XRCC2: variants seen among roughly 807,000 people sequenced by gnomAD.
XRCC2 encodes the protein DNA repair protein XRCC2.
In XRCC2, 24 loss-of-function variants were observed where a neutral mutation model predicts 27.3. The ratio of observed to expected loss-of-function variants is 0.88; its 90% CI spans 0.64 to 1.24. The LOEUF is 1.24. Among genes scored for constraint, XRCC2 ranks in the 50% most tolerant of loss-of-function variants. The pLI is 0.00. For missense variants in XRCC2, 321 were observed against 325.8 expected, an observed-to-expected ratio of 0.99 and a Z score of 0.11; for synonymous variants, 106 against 115.4, an observed-to-expected ratio of 0.92 and a Z score of 0.52.
chr7:152,672,110 A>G (rs2098038427), intron 1 of XRCC2, among the ~76,000 whole-genome samples: 1 of 152,116 alleles, frequency 6.6e-6, no homozygotes, highest in African/African-American at 2.4e-5. Context: ...TTCTCTAGTA[A>G]TATTCAGCTG....
In XRCC2 at chr7:152,648,957, A is replaced by G. The variant is rs765796648; in HGVS notation, c.528T>C (p.Cys176=). Residue 176 remains cysteine, a synonymous_variant, in exon 3 of 3, where the codon TGT becomes TGC. Transcript: ENST00000359321. ...TTACAAGCTTCTCTAAGCACTGAGA[A>G]CATTTCCTCAGAGTAGACTCCTGTA... ...VNLQESTLRK[C]SQCLEKLVND... 20 of 1,614,228 alleles carry G rather than the reference A, an allele frequency of 1.2e-5. No homozygotes were observed. Among genetic ancestry groups the G allele is most frequent in the Middle Eastern group, 3.3e-4 (2 of 6,062 alleles).
chr7:152,665,630 C>G (rs745723223), intron 1 of XRCC2, among the ~76,000 whole-genome samples: 6 of 151,648 alleles, frequency 4.0e-5, no homozygotes, highest in Non-Finnish European at 4.4e-5. Flanking sequence ...CAGGCTCGTG[C>G]CACTATGTCC....
At chr7:152,655,446 C>T (rs1284699949) in intron 2 of XRCC2, among the ~76,000 whole-genome samples, 2 of 152,214 alleles carry the variant, frequency 1.3e-5, no homozygotes, top group African/African-American at 2.4e-5. Context: ...TGGTGGTTCA[C>T]GCCCATAATC....
chr7:152,652,806 T>C (rs1248879973), intron 2 of XRCC2, among the ~76,000 whole-genome samples: 1 of 152,114 alleles, frequency 6.6e-6, no homozygotes, highest in Non-Finnish European at 1.5e-5. Context: ...TAAAAGCCAA[T>C]TGTGAAACTG....
chr7:152,653,968 G>T (rs933606483), intron 2 of XRCC2, among the ~76,000 whole-genome samples: 2 of 152,136 alleles, frequency 1.3e-5, no homozygotes, highest in African/African-American at 4.8e-5. Context: ...GGCTGAGGCA[G>T]GTGGATCACC....
chr7:152,665,190 A>T (rs1406176018), intron 1 of XRCC2, among the ~76,000 whole-genome samples: 3 of 152,158 alleles, frequency 2.0e-5, no homozygotes, highest in Non-Finnish European at 4.4e-5. Context: ...AGTGAACGTT[A>T]CTTCAAAAAC....
chr7:152,674,791 T>TATAA (rs2098040177), intron 1 of XRCC2, among the ~76,000 whole-genome samples: 2 of 11,254 alleles, frequency 1.8e-4, no homozygotes, highest in African/African-American at 2.7e-4. Context: ...AATATATATA[T>TATAA]ATCTATGGTT....
intron 2 of XRCC2, 84 bp downstream of exon 2, chr7:152,660,617 G>A (rs1163036198): frequency 1.8e-6 from 2 of 1,103,624 alleles, no homozygotes; most frequent in East Asian, 4.8e-5. Context: ...ACTCTTGTGA[G>A]GAGTATGTGT....
Position 152,646,961 on chromosome 7 carries a change from CTG to C in XRCC2, c.*1679_*1680del, listed in dbSNP as rs1186150322. 3 of 152,214 alleles carry C rather than the reference CTG, an allele frequency of 2.0e-5. No homozygotes were observed. The highest frequency in any genetic ancestry group is 2.0e-4 in the Admixed American group (3 of 15,270). The allele number at this position is 152,214 out of a possible 1,614,324, so 9.4% of individuals were successfully genotyped here. On this transcript the variant is annotated 3_prime_UTR_variant, in exon 3 of 3. Coordinates refer to ENST00000359321, the MANE Select transcript of XRCC2 (RefSeq NM_005431.2). ...GAGATTGCTGGGTTGAATGGTATCT[CTG>C]TCTTTATCCCCACACTGTCTTCCAC... is the stretch of plus-strand genomic sequence containing the variant.
chr7:152,657,645 T>C (rs2098031250), intron 2 of XRCC2, among the ~76,000 whole-genome samples: 1 of 152,196 alleles, frequency 6.6e-6, no homozygotes, highest in South Asian at 2.1e-4. Flanking sequence ...TAATATTAAA[T>C]GTGCTGATGA....
intron 2 of XRCC2, among the ~76,000 whole-genome samples, chr7:152,658,850 C>CA: frequency 6.6e-6 from 1 of 152,330 alleles, no homozygotes; most frequent in Middle Eastern, 3.4e-3. Context: ...CTTTTCCCCC[C>CA]AGGGATTCAT....
chr7:152,653,150 TAGTG>T (rs888054046), intron 2 of XRCC2, among the ~76,000 whole-genome samples: 12 of 152,260 alleles, frequency 7.9e-5, no homozygotes, highest in African/African-American at 2.2e-4. Flanking sequence ...GTTCTCGTGA[TAGTG>T]AGTAAGTCTC....
chr7:152,647,711 T>C lies in XRCC2; in HGVS notation c.*931A>G, dbSNP rs955294073. On this transcript the variant is annotated 3_prime_UTR_variant, in exon 3 of 3. Coordinates refer to ENST00000359321, the MANE Select transcript of XRCC2 (RefSeq NM_005431.2). ...CATCGAAGATCAAAAAAATTATAGG[T>C]GTGTGGTCTCATTTCTAAATTCTCT... 8 of 152,098 alleles carry C rather than the reference T, an allele frequency of 5.3e-5. No homozygotes were observed. Among genetic ancestry groups the C allele is most frequent in the African/African-American group, 1.9e-4 (8 of 41,416 alleles). The allele number at this position is 152,098 out of a possible 1,614,324, so 9.4% of individuals were successfully genotyped here.
intron 2 of XRCC2, among the ~76,000 whole-genome samples, chr7:152,659,121 T>C (rs2116998105): frequency 6.6e-6 from 1 of 152,194 alleles, no homozygotes; most frequent in South Asian, 2.1e-4. Flanking sequence ...CTCCACATCC[T>C]TGCTAACACT....
At chr7:152,665,186 C>A (rs944427343) in intron 1 of XRCC2, among the ~76,000 whole-genome samples, 10 of 152,124 alleles carry the variant, frequency 6.6e-5, no homozygotes, top group Non-Finnish European at 1.3e-4. Flanking sequence ...TCCAAGTGAA[C>A]GTTACTTCAA....
intron 1 of XRCC2, among the ~76,000 whole-genome samples, chr7:152,674,917 T>C (rs2098040258): frequency 6.6e-6 from 1 of 151,562 alleles, no homozygotes; most frequent in Admixed American, 6.6e-5. Context: ...AACGCTGCCA[T>C]GTGCCTTTAT....
intron 1 of XRCC2, among the ~76,000 whole-genome samples, chr7:152,668,482 C>T (rs2098036853): frequency 6.6e-6 from 1 of 152,064 alleles, no homozygotes; most frequent in African/African-American, 2.4e-5. Context: ...TCAATAGAAG[C>T]AAGGTATGGT....
chr7:152,675,449 G>C (rs2098040491), intron 1 of XRCC2, among the ~76,000 whole-genome samples: 1 of 152,150 alleles, frequency 6.6e-6, no homozygotes, highest in Non-Finnish European at 1.5e-5. Context: ...TTGACACACA[G>C]TAAGTGCTGG....
intron 2 of XRCC2, among the ~76,000 whole-genome samples, chr7:152,658,027 G>A (rs1445063433): frequency 8.0e-5 from 12 of 150,390 alleles, no homozygotes; most frequent in Non-Finnish European, 1.2e-4. Context: ...GTGAAGTGGC[G>A]CAATCTCGGC....
Sources: allele counts gnomAD v4.1 joint callset (sites outside exome capture counted in the v4.1 genomes callset), GRCh38; gene constraint gnomAD v4.1.1; transcripts MANE v1.5; gene names NCBI Gene and HGNC (gene_info 2026-07-23, HGNC 2026-07-21).